DLGAP2: variants seen among roughly 807,000 people sequenced by gnomAD.
The protein encoded by DLGAP2 is DLG associated protein 2, also known as disks large-associated protein 2.
In DLGAP2, 26 loss-of-function variants were observed where a neutral mutation model predicts 100.3. That is an observed-to-expected ratio of 0.26 (90% confidence interval 0.19 to 0.36). The LOEUF (loss-of-function observed/expected upper bound fraction) is 0.36. Among genes scored for constraint, DLGAP2 ranks in the 10% least tolerant of loss-of-function variants. DLGAP2 has a pLI of 1.00. For missense variants in DLGAP2, 1,858 were observed against 1,453.2 expected, an observed-to-expected ratio of 1.28 and a Z score of -4.53; for synonymous variants, 886 against 630.1, an observed-to-expected ratio of 1.41 and a Z score of -6.08.
chr8:1,180,503 C>G (rs901114047), intron 2 of DLGAP2, among the ~76,000 whole-genome samples: 1 of 152,258 alleles, frequency 6.6e-6, no homozygotes, highest in Non-Finnish European at 1.5e-5. Context: ...TCTTAGTCTT[C>G]TGTGTTGCAT....
chr8:1,069,354 A>G (rs1803358285), intron 2 of DLGAP2, among the ~76,000 whole-genome samples: 1 of 152,142 alleles, frequency 6.6e-6, no homozygotes, highest in African/African-American at 2.4e-5. Flanking sequence ...ACAGGTCGCG[A>G]GGACACCAGG....
intron 3 of DLGAP2, among the ~76,000 whole-genome samples, chr8:1,260,828 G>A (rs1667715872): frequency 6.6e-6 from 1 of 152,214 alleles, no homozygotes; most frequent in Non-Finnish European, 1.5e-5. Flanking sequence ...GTCGTCCAGA[G>A]CATGGGGAGG....
chr8:800,955 C>A (rs977081291), intron 1 of DLGAP2, among the ~76,000 whole-genome samples: 1 of 152,030 alleles, frequency 6.6e-6, no homozygotes, highest in South Asian at 2.1e-4. Context: ...TGTGCCCCCC[C>A]ACCCTTCCTG....
At chr8:1,008,732 G>A (rs970484831) in intron 2 of DLGAP2, among the ~76,000 whole-genome samples, 9 of 152,236 alleles carry the variant, frequency 5.9e-5, no homozygotes, top group South Asian at 4.2e-4. Context: ...CCGGTTCCCC[G>A]CTCCCCCACC....
At chr8:955,483 T>A (rs1799576272) in intron 2 of DLGAP2, among the ~76,000 whole-genome samples, 1 of 152,136 alleles carries the variant, frequency 6.6e-6, no homozygotes, top group East Asian at 1.9e-4. Context: ...CTCTGTGTGC[T>A]GCTCTGTGTG....
chr8:1,359,959 C>G (rs898067565), intron 3 of DLGAP2, among the ~76,000 whole-genome samples: 39 of 152,296 alleles, frequency 2.6e-4, no homozygotes, highest in South Asian at 8.3e-4. Flanking sequence ...AGTTCGTGGA[C>G]GAGTCCACGG....
chr8:1,157,423 T>C (rs550556974), intron 2 of DLGAP2, among the ~76,000 whole-genome samples: 6 of 152,312 alleles, frequency 3.9e-5, no homozygotes, highest in Non-Finnish European at 7.3e-5. Flanking sequence ...AGAATCATAA[T>C]TAGAAACCAA....
chr8:812,181 G>A (rs1360674270), intron 1 of DLGAP2, among the ~76,000 whole-genome samples: 2 of 152,202 alleles, frequency 1.3e-5, no homozygotes, highest in East Asian at 3.9e-4. Flanking sequence ...AATCTGCAGG[G>A]TGGGCCAGCA....
At chr8:1,314,160 G>T (rs1287840232) in intron 3 of DLGAP2, among the ~76,000 whole-genome samples, 3 of 152,186 alleles carry the variant, frequency 2.0e-5, no homozygotes, top group Non-Finnish European at 4.4e-5. Context: ...CTATGAAACT[G>T]TATGATGAGA....
intron 3 of DLGAP2, among the ~76,000 whole-genome samples, chr8:1,325,905 CT>C (rs1554443174): frequency 2.6e-5 from 4 of 152,158 alleles, no homozygotes; most frequent in Non-Finnish European, 4.4e-5. Flanking sequence ...ATTTTGTAAT[CT>C]TTATTGTAGT....
At chr8:1,101,655 G>C (rs564323965) in intron 2 of DLGAP2, among the ~76,000 whole-genome samples, 24 of 151,206 alleles carry the variant, frequency 1.6e-4, no homozygotes, top group Admixed American at 5.9e-4. Flanking sequence ...CGATGGGAAG[G>C]TCCTCGTCAC....
intron 3 of DLGAP2, among the ~76,000 whole-genome samples, chr8:1,296,395 C>T (rs149676034): frequency 3.1e-4 from 47 of 152,156 alleles, no homozygotes; most frequent in Non-Finnish European, 5.9e-4. Context: ...TGCCTTGTAA[C>T]TTCCAAAAAC....
chr8:1,411,853 C>T (rs980976270), intron 3 of DLGAP2, among the ~76,000 whole-genome samples: 1 of 152,210 alleles, frequency 6.6e-6, no homozygotes, highest in Non-Finnish European at 1.5e-5. Context: ...CATGAGCCGT[C>T]GTGTGGGCCC....
Position 832,578 on chromosome 8 carries a change from T to C in DLGAP2, c.19-75334T>C, listed in dbSNP as rs537734298. 2.6e-5 allele frequency among the ~76,000 whole-genome samples: 4 copies of C among 152,354 alleles called. No individual in the cohort carries two copies. The South Asian group carries it at 8.3e-4, about 32-fold the overall frequency. ...GTGATACTATTAAAGTTTTCTAATG[T>C]CAGATTATCTTTGTATTTTGGGAAA... On this transcript the variant is annotated intron_variant, in intron 1 of 14. Transcript: ENST00000637795.
intron 12 of DLGAP2, among the ~76,000 whole-genome samples, chr8:1,683,854 ATATGTGTGTGTGTGTGTG>A (rs1799028492): frequency 2.7e-5 from 2 of 72,982 alleles, no homozygotes; most frequent in Admixed American, 3.0e-4. Flanking sequence ...ATATATATAT[ATATGTGTGTGTGTGTGTG>A]TGTGTGTGTG....
At chr8:1,585,090 T>C (rs1344941709) in intron 6 of DLGAP2, among the ~76,000 whole-genome samples, 1 of 152,232 alleles carries the variant, frequency 6.6e-6, no homozygotes, top group Non-Finnish European at 1.5e-5. Flanking sequence ...ATCTAGTTTT[T>C]GGCCTGCTAC....
chr8:953,725 T>C (rs535240116), intron 2 of DLGAP2, among the ~76,000 whole-genome samples: 1 of 151,868 alleles, frequency 6.6e-6, no homozygotes, highest in Non-Finnish European at 1.5e-5. Context: ...CACAGTGAAA[T>C]TGAGAAAGAA....
chr8:1,655,066 A>G (rs17749372), intron 8 of DLGAP2, among the ~76,000 whole-genome samples: 5,401 of 152,330 alleles, frequency 0.035, 135 homozygotes, highest in South Asian at 0.068. Context: ...TGGTGAGACT[A>G]TAATTTCTTG....
chr8:1,540,645 A>C (rs924294210), intron 4 of DLGAP2, among the ~76,000 whole-genome samples: 43 of 152,258 alleles, frequency 2.8e-4, no homozygotes, highest in African/African-American at 1.0e-3. Flanking sequence ...CACTCCAGGG[A>C]GCTGCCGGGA....
Sources: allele counts gnomAD v4.1 joint callset (sites outside exome capture counted in the v4.1 genomes callset), GRCh38; gene constraint gnomAD v4.1.1; transcripts MANE v1.5; gene names NCBI Gene and HGNC (gene_info 2026-07-23, HGNC 2026-07-21).